The following MAP4K1 variants were observed in gnomAD, a reference collection of about 807,000 sequenced individuals.
The protein encoded by MAP4K1 is mitogen-activated protein kinase kinase kinase kinase 1.
A neutral mutation model predicts 122.8 loss-of-function variants in MAP4K1; 35 were observed. The observed-to-expected ratio is 0.29, with a 90% CI of 0.22 to 0.38. The LOEUF (loss-of-function observed/expected upper bound fraction) is 0.38, where lower values mean the gene tolerates loss of function less well. Among genes scored for constraint, MAP4K1 ranks in the 10% least tolerant of loss-of-function variants. MAP4K1 has a pLI of 1.00. For synonymous variants in MAP4K1, 412 were observed against 421.3 expected (o/e 0.98, Z 0.27); for missense variants, 791 against 1,072.6 (o/e 0.74, Z 3.67).
Position 38,609,652 on chromosome 19 carries a change from C to T in MAP4K1, c.950G>A (p.Arg317Gln), listed in dbSNP as rs202069778. The change falls in exon 13 of 31, where the codon CGG (arginine) becomes CAG (glutamine). Residue 317 changes from arginine to glutamine, a missense_variant. By Grantham distance (43) the Arg-to-Gln change is conservative. Transcript: ENST00000396857. ...EPELPPAIPR[R>Q]IRSTHRSSSL... is the part of the protein sequence containing the mutation. The stretch of plus-strand genomic sequence containing the variant: ...GCTGGAGCGGTGGGTGGATCTGATC[C>T]GCCGAGGGATAGCAGGGGGTAGCTG... 2.3e-4 allele frequency: 373 copies of T among 1,613,336 alleles called. No individual in the cohort carries two copies. Among genetic ancestry groups the T allele is most frequent in the Non-Finnish European group, 3.0e-4 (352 of 1,179,692 alleles).
intron 11 of MAP4K1, among the ~76,000 whole-genome samples, 157 bp from the exon 12 acceptor site, chr19:38,610,182 G>A (rs1216082987): frequency 6.6e-6 from 1 of 151,964 alleles, no homozygotes; most frequent in South Asian, 2.1e-4. Flanking sequence ...GAAATCCAGG[G>A]AACTCAGAGG....
At chr19:38,601,946 T>A (rs1368070122) in intron 19 of MAP4K1, among the ~76,000 whole-genome samples, 2 of 151,998 alleles carry the variant, frequency 1.3e-5, no homozygotes, top group Non-Finnish European at 2.9e-5. Flanking sequence ...CCCAGCTAAT[T>A]TTTGTATTTT....
Position 38,597,236 on chromosome 19 carries a change from C to T in MAP4K1, c.1837+90G>A. On this transcript the variant is annotated intron_variant, in intron 24 of 30. Coordinates refer to ENST00000396857, the MANE Select transcript of MAP4K1 (RefSeq NM_001042600.3). The surrounding 1 kb of genome is among the most constrained non-coding windows in gnomAD (Gnocchi z 4.6). ...CTGGGTTCTGGACACATTGCCTTAA[C>T]TCTGTAACCTTCTCAGGTGGATGCA... 1 of 1,601,278 alleles carries T rather than the reference C, an allele frequency of 6.2e-7. No individual in the cohort carries two copies. Among genetic ancestry groups the T allele is most frequent in the South Asian group, 1.1e-5 (1 of 90,844 alleles).
chr19:38,609,522 G>T, intron 13 of MAP4K1, 74 bp downstream of exon 13: 1 of 1,331,594 alleles, frequency 7.5e-7, no homozygotes, highest in African/African-American at 1.4e-5. Flanking sequence ...CTGGAGGCCT[G>T]ATGGTAGGGG....
Position 38,597,154 on chromosome 19 carries a change from G to C in MAP4K1, c.1838-17C>G. On this transcript the variant is annotated splice_polypyrimidine_tract_variant and intron_variant, in intron 24 of 30. Coordinates refer to ENST00000396857, the MANE Select transcript of MAP4K1 (RefSeq NM_001042600.3). The surrounding 1 kb of genome is among the most constrained non-coding windows in gnomAD (Gnocchi z 4.6). ...CACCCTCCGCTGTGGCATGGGCAAG[G>C]ATGAGTCAAGATCAATGCCCTCTAT... The C allele has an allele frequency of 6.2e-7, 1 of 1,613,070 alleles. No homozygotes were observed. The highest frequency in any genetic ancestry group is 8.5e-7 in the Non-Finnish European group (1 of 1,179,034).
chr19:38,602,662 A>C (rs890792982), intron 19 of MAP4K1, among the ~76,000 whole-genome samples: 1 of 149,306 alleles, frequency 6.7e-6, no homozygotes, highest in Non-Finnish European at 1.5e-5. Context: ...ACATATATAC[A>C]CATGTACATA....
Position 38,617,485 on chromosome 19 carries a change from A to T in MAP4K1, c.158-41T>A. The T allele has an allele frequency of 3.8e-6, 6 of 1,590,368 alleles. No individual in the cohort carries two copies. The highest frequency in any genetic ancestry group is 5.2e-6 in the Non-Finnish European group (6 of 1,158,362). ...GAGAGAAAAGGCAGCTCGCATGGGG[A>T]GAGAGCTACAGGGGAGGTGATCCCA... On this transcript the variant is annotated intron_variant, in intron 2 of 30. Coordinates refer to ENST00000396857, the MANE Select transcript of MAP4K1 (RefSeq NM_001042600.3). This position sits in a 1 kb window ranked among gnomAD's most constrained non-coding sequence, Gnocchi z 4.1.
At chr19:38,605,370 C>T (rs868803622) in intron 19 of MAP4K1, 39 bp downstream of exon 19, 7 of 1,509,354 alleles carry the variant, frequency 4.6e-6, no homozygotes, top group East Asian at 2.4e-5. Flanking sequence ...TCCCCAGCCC[C>T]GTCCAGAGGT....
At chr19:38,590,723 C>T (rs1245411078) in intron 30 of MAP4K1, among the ~76,000 whole-genome samples, 1 of 151,872 alleles carries the variant, frequency 6.6e-6, no homozygotes, top group Non-Finnish European at 1.5e-5. Flanking sequence ...AATCTGCCCA[C>T]TTCAGCCTCC....
chr19:38,598,815 C>T (rs944195901), intron 22 of MAP4K1, among the ~76,000 whole-genome samples: 6 of 151,516 alleles, frequency 4.0e-5, no homozygotes, highest in African/African-American at 1.5e-4. Context: ...AGTTCGAGAC[C>T]AGCCTGGCCA....
intron 10 of MAP4K1, 54 bp downstream of exon 10, chr19:38,611,189 C>T: frequency 6.2e-7 from 1 of 1,601,500 alleles, no homozygotes; most frequent in Non-Finnish European, 8.6e-7. Flanking sequence ...CCCATCAGGC[C>T]ACCCAGCCCC....
Position 38,594,961 on chromosome 19 carries a change from C to G in MAP4K1, c.2340+524G>C, listed in dbSNP as rs1254627922. Among the ~76,000 whole-genome samples the G allele has an allele frequency of 5.1e-4, 6 of 11,776 alleles. No individual in the cohort carries two copies. In the East Asian group the frequency reaches 0.014, roughly 28 times the overall value. The allele number at this position is 11,776 out of a possible 152,430, so 7.7% of individuals were successfully genotyped here. ...ATCTCCAAAAATAAATAAATTTTAT[C>G]TATCTATCTATCTATCTATCTATCT... On this transcript the variant is annotated intron_variant, in intron 29 of 30. Transcript: ENST00000396857.
At chr19:38,599,868 C>T (rs1439573419) in intron 22 of MAP4K1, 57 bp downstream of exon 22, 17 of 1,549,568 alleles carry the variant, frequency 1.1e-5, no homozygotes, top group East Asian at 4.5e-5. Flanking sequence ...TCCCAGCCCC[C>T]GAACCCTTGG....
chr19:38,614,803 T>A, intron 4 of MAP4K1: 1 of 269,654 alleles, frequency 3.7e-6, no homozygotes, highest in South Asian at 4.0e-5. Flanking sequence ...ATGCCTGTAA[T>A]CCCAAGTACT....
chr19:38,607,959 C>T (rs370180963), intron 15 of MAP4K1, 31 bp downstream of exon 15: 1 of 1,611,446 alleles, frequency 6.2e-7, no homozygotes, highest in Non-Finnish European at 8.5e-7. Context: ...CACATTCCAG[C>T]CCCCTCCCCA....
intron 11 of MAP4K1, among the ~76,000 whole-genome samples, chr19:38,610,760 A>G (rs73933031): frequency 1.9e-3 from 285 of 152,262 alleles, no homozygotes; most frequent in African/African-American, 6.3e-3. Context: ...GGAGAATTCC[A>G]GAGTTGTCTT....
At chr19:38,608,627 C>T (rs990459686) in intron 13 of MAP4K1, among the ~76,000 whole-genome samples, 2 of 151,528 alleles carry the variant, frequency 1.3e-5, no homozygotes, top group East Asian at 3.9e-4. Flanking sequence ...GAAGCCCCGT[C>T]TCTACTAAAA....
In MAP4K1 at chr19:38,589,668, G is replaced by A. The variant is rs112875615; in HGVS notation, c.2397-1851C>T. 8.3e-3 allele frequency among the ~76,000 whole-genome samples: 1,266 copies of A among 152,192 alleles called. 20 individuals carry two copies. The highest frequency in any genetic ancestry group is 0.029 in the African/African-American group (1,213 of 41,546). On this transcript the variant is annotated intron_variant, in intron 30 of 30. Transcript: ENST00000396857. ...GACCTCAGGTGATCCACCTGCCTCG[G>A]CCTCCCAAAGTGCTGGGATTACAGG...
At position 38,609,635 on chromosome 19, in the gene MAP4K1, G is replaced by A. The variant is rs752137254; in HGVS notation, c.967C>T (p.Arg323Cys). ...AIPRRIRSTH[R>C]SSSLGIPDAD... is the part of the protein sequence containing the mutation. ...TCTGGGATCCCCAGAGAGCTGGAGC[G>A]GTGGGTGGATCTGATCCGCCGAGGG... Residue 323 changes from arginine (R) to cysteine (C), a missense_variant, in exon 13 of 31, where the codon CGC becomes TGC. Coordinates refer to ENST00000396857, the MANE Select transcript of MAP4K1 (RefSeq NM_001042600.3). 10 of 1,613,860 alleles carry A rather than the reference G, an allele frequency of 6.2e-6. No homozygotes were observed. Among genetic ancestry groups the A allele is most frequent in the Middle Eastern group, 1.7e-4 (1 of 6,060 alleles).
Sources: gnomAD v4.1 joint callset for allele counts (sites outside exome capture counted in the v4.1 genomes callset) on GRCh38, gnomAD v4.1.1 for gene constraint, Gnocchi (gnomAD v3.1) non-coding constraint, MANE v1.5 for transcripts, NCBI Gene and HGNC (gene_info 2026-07-23, HGNC 2026-07-21) for gene names.